JMJD1C: variants seen among roughly 807,000 people sequenced by gnomAD.
JMJD1C encodes jumonji domain containing 1C, also known as jumonji domain-containing protein 1C.
A neutral mutation model predicts 245.3 loss-of-function variants in JMJD1C; 31 were observed. That is an observed-to-expected ratio of 0.13 (90% CI 0.09 to 0.17). The LOEUF (loss-of-function observed/expected upper bound fraction) is 0.17. JMJD1C is among the 10% of genes least tolerant of loss of function. The probability of loss-of-function intolerance (pLI) is 1.00; values close to 1 mark genes in which losing one functional copy is unlikely to be tolerated. For missense variants in JMJD1C, 2,691 were observed against 3,000.2 expected (o/e 0.90, Z 2.41); for synonymous variants, 1,057 against 1,017.4 (o/e 1.04, Z -0.74).
intron 2 of JMJD1C, among the ~76,000 whole-genome samples, chr10:63,277,731 C>CTATTTTTTTTTTTTTT (rs1856943489): frequency 1.6e-5 from 1 of 64,262 alleles, no homozygotes; most frequent in Non-Finnish European, 2.6e-5. Flanking sequence ...ATTTGCATTT[C>CTATTTTTTTTTTTTTT]TTTTTTTTTT....
intron 1 of JMJD1C, among the ~76,000 whole-genome samples, chr10:63,400,990 CTGGATTTA>C (rs113480102): frequency 0.031 from 4,681 of 151,726 alleles, 247 homozygotes; most frequent in African/African-American, 0.11. Flanking sequence ...TCCTGAGTAG[CTGGATTTA>C]CAGGTGCCCT....
intron 4 of JMJD1C, among the ~76,000 whole-genome samples, 176 bp from the exon 5 acceptor site, chr10:63,217,507 T>C (rs1436051576): frequency 3.3e-5 from 5 of 152,140 alleles, no homozygotes; most frequent in Admixed American, 1.3e-4. Flanking sequence ...AGTTACTATA[T>C]ACACTGCACT....
intron 2 of JMJD1C, among the ~76,000 whole-genome samples, chr10:63,292,143 G>GCTTTTTTTT (rs1396774570): frequency 7.4e-5 from 1 of 13,516 alleles, no homozygotes; most frequent in Non-Finnish European, 1.8e-4. Context: ...TGTAGAGACA[G>GCTTTTTTTT]ATTTTTTTTT....
intron 2 of JMJD1C, among the ~76,000 whole-genome samples, chr10:63,347,392 C>A (rs989546199): frequency 1.3e-5 from 2 of 149,896 alleles, no homozygotes; most frequent in Non-Finnish European, 3.0e-5. Flanking sequence ...GACCAGCCTG[C>A]CCAGCATGGT....
chr10:63,314,793 A>G (rs1939727604), intron 2 of JMJD1C, among the ~76,000 whole-genome samples: 1 of 151,992 alleles, frequency 6.6e-6, no homozygotes, highest in Non-Finnish European at 1.5e-5. Context: ...GATTATAGGC[A>G]TGCACCACTA....
chr10:63,301,839 T>C (rs1371021763), intron 2 of JMJD1C: 1 of 391,768 alleles, frequency 2.6e-6, no homozygotes, highest in Admixed American at 3.2e-5. Flanking sequence ...ATAAAACATT[T>C]TCACAATGAA....
intron 2 of JMJD1C, 127 bp from the exon 3 acceptor site, chr10:63,264,891 A>G: frequency 2.0e-6 from 1 of 493,020 alleles, no homozygotes; most frequent in Non-Finnish European, 3.6e-6. Flanking sequence ...CCTAATATTA[A>G]TTTTCATATT....
At chr10:63,270,636 C>G (rs1337623059) in intron 2 of JMJD1C, among the ~76,000 whole-genome samples, 1 of 151,980 alleles carries the variant, frequency 6.6e-6, no homozygotes, top group African/African-American at 2.4e-5. Flanking sequence ...CTAGCTAACT[C>G]TTTGTATTTT....
chr10:63,416,212 T>TACATGATCATGGAAA (rs1949794087), intron 1 of JMJD1C, among the ~76,000 whole-genome samples: 1 of 152,140 alleles, frequency 6.6e-6, no homozygotes, highest in Non-Finnish European at 1.5e-5. Context: ...TAAATTGTTA[T>TACATGATCATGGAAA]ACATGATCAT....
chr10:63,264,007 C>CAA (rs71025140), intron 3 of JMJD1C, among the ~76,000 whole-genome samples: 7 of 136,716 alleles, frequency 5.1e-5, no homozygotes, highest in Non-Finnish European at 7.8e-5. Flanking sequence ...CACACACACA[C>CAA]AATTCTGTGA....
intron 17 of JMJD1C, among the ~76,000 whole-genome samples, chr10:63,190,071 T>C (rs1206975604): frequency 3.3e-5 from 5 of 151,994 alleles, no homozygotes; most frequent in Non-Finnish European, 7.4e-5. Flanking sequence ...CTAATTTTTG[T>C]ATTTTCAGTA....
At chr10:63,380,814 TTGG>T (rs1433012510) in intron 1 of JMJD1C, among the ~76,000 whole-genome samples, 1 of 152,214 alleles carries the variant, frequency 6.6e-6, no homozygotes, top group African/African-American at 2.4e-5. Flanking sequence ...TAGTACACTG[TTGG>T]TGGGAATGTA....
At chr10:63,249,030 G>C (rs1852677030) in intron 3 of JMJD1C, among the ~76,000 whole-genome samples, 1 of 152,166 alleles carries the variant, frequency 6.6e-6, no homozygotes, top group African/African-American at 2.4e-5. Flanking sequence ...ACAAGTGGAT[G>C]CTTGGCCAGG....
intron 13 of JMJD1C, among the ~76,000 whole-genome samples, chr10:63,196,588 T>TA (rs1326832908): frequency 6.6e-6 from 1 of 152,204 alleles, no homozygotes; most frequent in African/African-American, 2.4e-5. Flanking sequence ...ATCTACCTGA[T>TA]ACACTACTCT....
chr10:63,204,131 T>C (rs1343985170), intron 10 of JMJD1C: 43 of 969,888 alleles, frequency 4.4e-5, no homozygotes, highest in Non-Finnish European at 5.3e-5. Context: ...CTCTAAAAAA[T>C]ATTTAAGAAA....
chr10:63,238,441 T>C (rs1851050935), intron 3 of JMJD1C, among the ~76,000 whole-genome samples: 1 of 152,176 alleles, frequency 6.6e-6, no homozygotes, highest in African/African-American at 2.4e-5. Context: ...AAAAGGAGTT[T>C]ATATAACATA....
chr10:63,214,632 A>G lies in JMJD1C; in HGVS notation c.1535T>C (p.Ile512Thr), dbSNP rs751723181. The G allele has an allele frequency of 9.9e-6, 16 of 1,614,152 alleles. No homozygotes were observed. The highest frequency in any genetic ancestry group is 1.3e-5 in the Non-Finnish European group (15 of 1,180,006). Residue 512 changes from isoleucine (I) to threonine (T), a missense_variant, in exon 8 of 26, where the codon ATT becomes ACT. This residue lies in a region of JMJD1C where 1,562 missense variants were observed against 1,490.7 expected (regional missense o/e 1.05). Coordinates refer to ENST00000399262, the MANE Select transcript of JMJD1C (RefSeq NM_032776.3). Reference sequence around the variant, plus strand: ...CTTTTCTAAATTAGTGTCATTTGTAATATCAATAACACATTTTGGTGTGGG... The same window carrying G: ...CTTTTCTAAATTAGTGTCATTTGTAGTATCAATAACACATTTTGGTGTGGG... ...RPPTPKCVIDITNDTNLEKVA... is the reference protein window; with the variant it reads ...RPPTPKCVIDTTNDTNLEKVA...
intron 2 of JMJD1C, among the ~76,000 whole-genome samples, chr10:63,303,941 G>T (rs1414138689): frequency 6.6e-6 from 1 of 151,972 alleles, no homozygotes; most frequent in Non-Finnish European, 1.5e-5. Context: ...CAATATAATA[G>T]TTTCAGAAGG....
intron 1 of JMJD1C, among the ~76,000 whole-genome samples, chr10:63,401,640 C>T (rs371490222): frequency 6.6e-6 from 1 of 152,108 alleles, no homozygotes; most frequent in Non-Finnish European, 1.5e-5. Context: ...CATACCACCA[C>T]GTACACTTGA....
Sources: allele counts gnomAD v4.1 joint callset (sites outside exome capture counted in the v4.1 genomes callset), GRCh38; gene constraint gnomAD v4.1.1; regional missense constraint gnomAD v4.1.1; transcripts MANE v1.5; gene names NCBI Gene and HGNC (gene_info 2026-07-23, HGNC 2026-07-21).